The following PSRC1 variants were observed in gnomAD, a reference collection of about 807,000 sequenced individuals.
PSRC1 encodes the protein proline and serine rich coiled-coil 1, also known as proline/serine-rich coiled-coil protein 1.
In PSRC1, 30 loss-of-function variants were observed where a neutral mutation model predicts 31.9. That is an observed-to-expected ratio of 0.94 (90% CI 0.70 to 1.28). The LOEUF is 1.28. Among genes scored for constraint, PSRC1 ranks in the 50% most tolerant of loss-of-function variants. PSRC1 has a pLI of 0.00. For synonymous variants in PSRC1, 191 were observed against 192.1 expected, an observed-to-expected ratio of 0.99 and a Z score of 0.05; for missense variants, 481 against 472.8, an observed-to-expected ratio of 1.02 and a Z score of -0.16.
chr1:109,279,775 C>T (rs559734603), exon 7 of PSRC1: 20 of 247,912 alleles, frequency 8.1e-5, no homozygotes, highest in African/African-American at 1.5e-4. Context: ...CTACGGAGGC[C>T]GCTCACGTGG....
chr1:109,283,119 T>G, exon 1 of PSRC1: 1 of 238,658 alleles, frequency 4.2e-6, no homozygotes, highest in Non-Finnish European at 8.2e-6. Context: ...GCAACAGGCT[T>G]TCTCCCGCAA....
exon 6 of PSRC1, chr1:109,280,485 A>G: frequency 6.2e-7 from 1 of 1,612,254 alleles, no homozygotes; most frequent in East Asian, 2.2e-5. Flanking sequence ...GCTGGGAAAC[A>G]GGAACTTCAT....
intron 3 of PSRC1, 63 bp downstream of exon 3, chr1:109,282,455 G>C: frequency 6.7e-7 from 1 of 1,491,556 alleles, no homozygotes; most frequent in African/African-American, 1.4e-5. Context: ...TAATTCAGCA[G>C]TAAGGGATTC....
At chr1:109,280,887 C>A in exon 5 of PSRC1, 1 of 1,614,074 alleles carries the variant, frequency 6.2e-7, no homozygotes, top group Non-Finnish European at 8.5e-7. Context: ...TGGCACACTC[C>A]GGCTGGTGAG....
exon 5 of PSRC1, chr1:109,281,022 A>G (rs1198908422): frequency 6.2e-7 from 1 of 1,611,522 alleles, no homozygotes; most frequent in Non-Finnish European, 8.5e-7. Flanking sequence ...TGGGGCCAGG[A>G]CGGATCTGAT....
chr1:109,282,000 G>C, exon 4 of PSRC1: 1 of 1,513,868 alleles, frequency 6.6e-7, no homozygotes, highest in Middle Eastern at 1.8e-4. Flanking sequence ...TTCGGTGGGA[G>C]AGGCCCCGTC....
At chr1:109,281,508 AATTCTAG>A (rs1476617601) in intron 4 of PSRC1, 104 bp downstream of exon 4, 47 of 1,020,144 alleles carry the variant, frequency 4.6e-5, no homozygotes, top group Admixed American at 7.0e-5. Context: ...TAATTCCAAC[AATTCTAG>A]ATGTAGAAAT....
intron 3 of PSRC1, 106 bp downstream of exon 3, chr1:109,282,412 G>C (rs957982207): frequency 1.8e-6 from 2 of 1,081,406 alleles, no homozygotes; most frequent in Non-Finnish European, 2.8e-6. Flanking sequence ...CCCCAAGTGC[G>C]CCAAACCTTG....
chr1:109,281,060 G>T lies in PSRC1; in HGVS notation c.711C>A (p.His237Gln). The change falls in exon 5 of 7, where the codon CAC becomes CAA. Residue 237 changes from histidine to glutamine, a missense_variant. Physicochemically the swap from His to Gln is conservative, Grantham distance 24 (BLOSUM62 0). Transcript: ENST00000409138. ...GGGTGGGTGGGCCTGGTGGAGAGGG[G>T]TGGAGAAATTTCAGGGTCAATCCCA... 1.2e-6 allele frequency: 2 copies of T among 1,613,340 alleles called. No homozygotes were observed. The highest frequency in any genetic ancestry group is 1.7e-6 in the Non-Finnish European group (2 of 1,179,852).
chr1:109,283,061 A>T lies in PSRC1; in HGVS notation c.-34+13T>A. The stretch of plus-strand genomic sequence containing the variant: ...TCCCCTGGCATCACACGCGAAGCAC[A>T]CCTCCAGCCCACCCTGTGTCCACTT... On this transcript the variant is annotated intron_variant, in intron 1 of 6. Transcript: ENST00000409138. The T allele has an allele frequency of 2.7e-6, 1 of 372,768 alleles. No individual in the cohort carries two copies. The highest frequency in any genetic ancestry group is 4.9e-6 in the Non-Finnish European group (1 of 203,096). 23.1% of individuals were successfully genotyped at this position (372,768 alleles called of 1,614,324 possible). A position where few individuals can be genotyped will look rare whatever the true frequency, so the allele number is the denominator to read the frequency against.
rs1459968993 is a variant in PSRC1 at position 109,280,421 on chromosome 1, T to A, written c.1063A>T (p.Lys355Ter). ...CTGGTAGGTCCTGGGACTGCCACTTTCCTGGGGGGCTGCAGATTGCTGCGA... is the reference window on the plus strand; with the variant it reads ...CTGGTAGGTCCTGGGACTGCCACTTACCTGGGGGGCTGCAGATTGCTGCGA... Residue 355 changes from lysine to a stop codon, truncating the protein, a stop_gained, in exon 6 of 7, where the codon AAA (lysine) becomes TAA (stop). Coordinates refer to ENST00000409138, the Ensembl canonical transcript of PSRC1. LOFTEE classifies it high-confidence loss of function. The A allele has an allele frequency of 1.2e-6, 2 of 1,612,908 alleles. No homozygotes were observed. The highest frequency in any genetic ancestry group is 2.2e-5 in the South Asian group (2 of 90,896).
At chr1:109,281,697 T>C (rs1282577061) in exon 4 of PSRC1, 9 of 1,613,568 alleles carry the variant, frequency 5.6e-6, no homozygotes, top group Non-Finnish European at 7.6e-6. Context: ...TACTCCGGAG[T>C]CGAGGCGTCA....
At chr1:109,282,736 G>A in intron 1 of PSRC1, 1 of 1,549,820 alleles carries the variant, frequency 6.5e-7, no homozygotes. Context: ...TTAGATCTGA[G>A]CTGGAGAGAA....
At chr1:109,280,600 G>A in intron 5 of PSRC1, 111 bp from the exon 7 acceptor site, 3 of 1,000,868 alleles carry the variant, frequency 3.0e-6, no homozygotes, top group Non-Finnish European at 4.4e-6. Flanking sequence ...CCCTGACCAT[G>A]AGGTATTTGA....
chr1:109,282,873 T>A (rs764157964), intron 1 of PSRC1, 137 bp from the exon 2 acceptor site: 3 of 720,022 alleles, frequency 4.2e-6, no homozygotes, highest in Admixed American at 2.6e-5. Flanking sequence ...GCACAGCTAC[T>A]CCTGCTACCT....
intron 3 of PSRC1, 126 bp from the exon 4 acceptor site, chr1:109,282,186 G>T (rs548045527): frequency 2.3e-6 from 2 of 883,712 alleles, no homozygotes; most frequent in Non-Finnish European, 1.7e-6. Flanking sequence ...TGCCCATGCT[G>T]GCTGTGAGAT....
chr1:109,282,007 C>A (rs532320634), exon 4 of PSRC1: 1 of 1,509,848 alleles, frequency 6.6e-7, no homozygotes, highest in Non-Finnish European at 8.8e-7. Flanking sequence ...GGAGAGGCCC[C>A]GTCGAAGTGG....
intron 1 of PSRC1, 108 bp downstream of exon 1, chr1:109,282,955 T>A (rs778361465): frequency 2.4e-5 from 14 of 586,734 alleles, no homozygotes; most frequent in Non-Finnish European, 3.9e-5. Flanking sequence ...TGGCCTCTCC[T>A]CACTGGGGGC....
At chr1:109,282,226 C>G in intron 3 of PSRC1, 166 bp from the exon 4 acceptor site, 1 of 657,428 alleles carries the variant, frequency 1.5e-6, no homozygotes, top group Non-Finnish European at 2.5e-6. Flanking sequence ...ATACCTGGTT[C>G]TATGGGGCCT....
Sources: allele counts gnomAD v4.1 joint callset, GRCh38; gene constraint gnomAD v4.1.1; transcripts MANE v1.5; gene names NCBI Gene and HGNC (gene_info 2026-07-23, HGNC 2026-07-21).